The following CTBP1 variants were observed in gnomAD, a reference collection of about 807,000 sequenced individuals.
The protein encoded by CTBP1 is C-terminal-binding protein 1.
CTBP1 carries 11 observed loss-of-function variants against 42.1 expected under a neutral mutation model. That is an observed-to-expected ratio of 0.26 (90% confidence interval 0.16 to 0.43). CTBP1 has a LOEUF of 0.43. Ranked by LOEUF, CTBP1 falls within the 20% of genes least tolerant of loss-of-function variation. CTBP1 has a pLI of 1.00. For synonymous variants in CTBP1, 324 were observed against 277.1 expected (o/e 1.17, Z -1.68); for missense variants, 399 against 624.3 (o/e 0.64, Z 3.85).
At chr4:1,248,027 C>A (rs1403593805) in intron 1 of CTBP1, among the ~76,000 whole-genome samples, 1 of 152,244 alleles carries the variant, frequency 6.6e-6, no homozygotes. Flanking sequence ...CCAGTCTCGG[C>A]CCGGGGCTCA....
chr4:1,216,582 G>A (rs1729141486), intron 5 of CTBP1: 6 of 341,822 alleles, frequency 1.8e-5, no homozygotes, highest in South Asian at 4.1e-5. Flanking sequence ...AGGCCCCTCC[G>A]CTGGCCTTTC....
intron 5 of CTBP1, among the ~76,000 whole-genome samples, chr4:1,223,021 G>C (rs529163393): frequency 6.6e-6 from 1 of 152,272 alleles, no homozygotes; most frequent in East Asian, 1.9e-4. Context: ...CTGCAGGCAA[G>C]GCACACATGA....
Position 1,242,138 on chromosome 4 carries a change from G to A in CTBP1, c.-188-619C>T, listed in dbSNP as rs534342725. ...CTGCTCAGCTCTTCCTGACCGCTACGGCCAGGGCCTGGCGGGAAGCTGAGG... is the reference window on the plus strand; with the variant it reads ...CTGCTCAGCTCTTCCTGACCGCTACAGCCAGGGCCTGGCGGGAAGCTGAGG... On this transcript the variant is annotated intron_variant, in intron 1 of 9. Transcript: ENST00000382952. The A allele has an allele frequency of 6.6e-5, 65 of 985,420 alleles. 1 individual carries two copies. Among genetic ancestry groups the A allele is most frequent in the East Asian group, 4.5e-4 (4 of 8,810 alleles). 61.0% of individuals were successfully genotyped at this position (985,420 alleles called of 1,614,324 possible).
Position 1,213,796 on chromosome 4 carries a change from C to A in CTBP1, c.861-191G>T, listed in dbSNP as rs140725895. On this transcript the variant is annotated intron_variant, in intron 7 of 9. Coordinates refer to ENST00000382952, the MANE Select transcript of CTBP1 (RefSeq NM_001012614.2). ...GGGACCATCAGACACACCAGGGGCT[C>A]CTGACAGCGGCGGGTGTGGGAGCCC... The A allele has an allele frequency of 1.6e-4, 107 of 666,088 alleles. No individual in the cohort carries two copies. The African/African-American group carries it at 1.7e-3, about 11-fold the overall frequency. The allele number at this position is 666,088 out of a possible 1,614,324, so 41.3% of individuals were successfully genotyped here. A position where few individuals can be genotyped will look rare whatever the true frequency, so the allele number is the denominator to read the frequency against.
chr4:1,215,701 C>T, intron 6 of CTBP1: 1 of 474,018 alleles, frequency 2.1e-6, no homozygotes, highest in Non-Finnish European at 3.8e-6. Flanking sequence ...GTAGCTGCAT[C>T]TGTCCCCACT....
chr4:1,246,548 C>T (rs545382238), intron 1 of CTBP1, among the ~76,000 whole-genome samples: 1 of 152,350 alleles, frequency 6.6e-6, no homozygotes, highest in South Asian at 2.1e-4. Flanking sequence ...CACAGCCGGG[C>T]ACAAAGTGCT....
In CTBP1 at chr4:1,238,766, C is replaced by T. The variant is rs932409761; in HGVS notation, c.8-429G>A. ...CAAGACATTTCCAGACCCACCGAGA[C>T]ACCTCCCGACCCTCCTAGGCCCTCC... On this transcript the variant is annotated intron_variant, in intron 2 of 9. Coordinates refer to ENST00000382952, the MANE Select transcript of CTBP1 (RefSeq NM_001012614.2). The surrounding 1 kb of genome is among the most constrained non-coding windows in gnomAD (Gnocchi z 5.9). 4.0e-5 allele frequency among the ~76,000 whole-genome samples: 6 copies of T among 151,626 alleles called. No individual in the cohort carries two copies. The highest frequency in any genetic ancestry group is 2.0e-4 in the Admixed American group (3 of 15,226).
chr4:1,230,422 G>A (rs756560136), intron 3 of CTBP1, among the ~76,000 whole-genome samples: 17 of 152,222 alleles, frequency 1.1e-4, no homozygotes, highest in Non-Finnish European at 2.1e-4. Context: ...ATGAAGCTTC[G>A]TCGGCACCCA....
chr4:1,224,246 C>T (rs1730071170), intron 5 of CTBP1, among the ~76,000 whole-genome samples: 1 of 152,140 alleles, frequency 6.6e-6, no homozygotes, highest in East Asian at 1.9e-4. Flanking sequence ...GTGTGGTGCC[C>T]ATGTGTGCCA....
At chr4:1,225,307 C>T (rs1026892516) in intron 5 of CTBP1, 53 bp downstream of exon 5, 21 of 1,500,982 alleles carry the variant, frequency 1.4e-5, no homozygotes, top group Non-Finnish European at 1.9e-5. Flanking sequence ...AGCTGAAGAG[C>T]GGCAGCGCCA....
At chr4:1,223,954 G>A (rs1221037018) in intron 5 of CTBP1, among the ~76,000 whole-genome samples, 2 of 152,204 alleles carry the variant, frequency 1.3e-5, no homozygotes, top group East Asian at 3.8e-4. Flanking sequence ...AAAGCGAGTG[G>A]GCAAATGAAG....
chr4:1,242,196 AG>A, intron 1 of CTBP1: 1 of 985,414 alleles, frequency 1.0e-6, no homozygotes, highest in Non-Finnish European at 1.2e-6. Flanking sequence ...GCACAGGGGC[AG>A]GGGGCCCCTG....
chr4:1,228,115 G>T, intron 4 of CTBP1, 84 bp downstream of exon 4: 1 of 1,551,072 alleles, frequency 6.4e-7, no homozygotes. Flanking sequence ...GGTCCTCAGT[G>T]TGGCAGTGAA....
intron 5 of CTBP1, among the ~76,000 whole-genome samples, chr4:1,224,431 T>C (rs1296087227): frequency 6.6e-6 from 1 of 151,122 alleles, no homozygotes; most frequent in Non-Finnish European, 1.5e-5. Flanking sequence ...CTGTGTGTAC[T>C]GTGACATCTG....
intron 1 of CTBP1, chr4:1,242,192 G>A: frequency 2.0e-6 from 2 of 985,450 alleles, no homozygotes; most frequent in Non-Finnish European, 2.4e-6. Context: ...GAATGCACAG[G>A]GGCAGGGGGC....
At chr4:1,225,041 G>A (rs148247517) in intron 5 of CTBP1, among the ~76,000 whole-genome samples, 143 of 151,874 alleles carry the variant, frequency 9.4e-4, no homozygotes, top group East Asian at 5.2e-3. Context: ...GTGCTGTGAC[G>A]TCCGTGTGTG....
At chr4:1,218,130 C>T (rs1345691801) in intron 5 of CTBP1, 1 of 152,130 alleles carries the variant, frequency 6.6e-6, no homozygotes, top group African/African-American at 2.4e-5. Flanking sequence ...AAAGAACAGG[C>T]CTTGGTGGCT....
chr4:1,246,999 GC>G, intron 1 of CTBP1, among the ~76,000 whole-genome samples: 1 of 152,306 alleles, frequency 6.6e-6, no homozygotes, highest in Middle Eastern at 3.4e-3. Flanking sequence ...TCTGCGCCAA[GC>G]CCACAGGACT....
At chr4:1,239,111 C>A (rs539759569) in intron 2 of CTBP1, among the ~76,000 whole-genome samples, 113 of 152,388 alleles carry the variant, frequency 7.4e-4, no homozygotes, top group African/African-American at 2.5e-3. Context: ...GTGCCCCTGA[C>A]CTTCCCAGAA....
Sources: gnomAD v4.1 joint callset for allele counts (sites outside exome capture counted in the v4.1 genomes callset) on GRCh38, gnomAD v4.1.1 for gene constraint, Gnocchi (gnomAD v3.1) non-coding constraint, MANE v1.5 for transcripts, NCBI Gene and HGNC (gene_info 2026-07-23, HGNC 2026-07-21) for gene names.